The following DNAJC5 variants were observed in gnomAD, a reference collection of about 807,000 sequenced individuals.
DNAJC5 encodes the protein dnaJ homolog subfamily C member 5.
DNAJC5 carries 1 observed loss-of-function variant against 23.2 expected under a neutral mutation model. The observed-to-expected ratio is 0.04, with a 90% confidence interval of 0.02 to 0.20. The LOEUF is 0.20. Among genes scored for constraint, DNAJC5 ranks in the 10% least tolerant of loss-of-function variants. The pLI, the probability that DNAJC5 is intolerant of heterozygous loss-of-function variation, is 1.00. For synonymous variants in DNAJC5, 136 were observed against 120.0 expected, an observed-to-expected ratio of 1.13 and a Z score of -0.87; for missense variants, 180 against 267.0, an observed-to-expected ratio of 0.67 and a Z score of 2.27.
chr20:63,917,552 CTTATTA>C (rs1288358069), intron 1 of DNAJC5, among the ~76,000 whole-genome samples: 1 of 148,040 alleles, frequency 6.8e-6, no homozygotes, highest in African/African-American at 2.5e-5. Flanking sequence ...TGCATCCAGC[CTTATTA>C]TTATTATTTT....
chr20:63,917,017 G>A (rs182642511), intron 1 of DNAJC5, among the ~76,000 whole-genome samples: 2 of 152,260 alleles, frequency 1.3e-5, no homozygotes, highest in South Asian at 2.1e-4. Flanking sequence ...TTTACAGTTT[G>A]TACAGTTAAC....
chr20:63,904,355 A>G (rs762091560), intron 1 of DNAJC5, among the ~76,000 whole-genome samples: 2 of 152,168 alleles, frequency 1.3e-5, no homozygotes, highest in Non-Finnish European at 2.9e-5. Context: ...CTCTTGCATC[A>G]TCCCGCCAGG....
chr20:63,895,988 T>G (rs1238732108), intron 1 of DNAJC5, among the ~76,000 whole-genome samples: 2 of 152,346 alleles, frequency 1.3e-5, no homozygotes, highest in East Asian at 3.9e-4. Flanking sequence ...CTCTTTTTCG[T>G]GTGCCGAAGC....
chr20:63,919,027 A>G (rs2053539729), intron 1 of DNAJC5, among the ~76,000 whole-genome samples: 1 of 152,252 alleles, frequency 6.6e-6, no homozygotes, highest in Non-Finnish European at 1.5e-5. Context: ...TTTCCCCAAC[A>G]GTAGTTTGAG....
At chr20:63,897,684 A>G (rs375158966) in intron 1 of DNAJC5, among the ~76,000 whole-genome samples, 101 of 152,344 alleles carry the variant, frequency 6.6e-4, no homozygotes, top group South Asian at 5.4e-3. Flanking sequence ...CCGTCGTGAC[A>G]TTTGGTAATT....
intron 1 of DNAJC5, among the ~76,000 whole-genome samples, chr20:63,912,753 G>A (rs917282593): frequency 6.6e-6 from 1 of 152,106 alleles, no homozygotes; most frequent in Non-Finnish European, 1.5e-5. Flanking sequence ...GACTACAGGC[G>A]CCTGCCACCA....
Position 63,928,397 on chromosome 20 carries a change from C to A in DNAJC5, c.52C>A (p.His18Asn). 1 of 1,614,038 alleles carries A rather than the reference C, an allele frequency of 6.2e-7. No homozygotes were observed. Among genetic ancestry groups the A allele is most frequent in the Non-Finnish European group, 8.5e-7 (1 of 1,180,024 alleles). Residue 18 changes from histidine to asparagine, a missense_variant, in exon 2 of 5, where the codon CAC (histidine) becomes AAC (asparagine). By Grantham distance (68) the His-to-Asn change is moderately conservative (BLOSUM62 1). Around this residue, in one of 3 missense-constraint regions of DNAJC5, gnomAD observed 77 missense variants for 106.8 expected, o/e 0.72. Coordinates refer to ENST00000360864, the MANE Select transcript of DNAJC5 (RefSeq NM_025219.3). This position sits in a 1 kb window ranked among gnomAD's most constrained non-coding sequence, Gnocchi z 4.6. ...SLSTSGESLY[H>N]VLGLDKNATS... is the part of the protein sequence containing the mutation. ...GTCTACCTCTGGGGAGTCATTGTAC[C>A]ACGTCCTTGGGTTGGACAAGAACGC... is the stretch of plus-strand genomic sequence containing the variant.
rs890554664 is a variant in DNAJC5 at position 63,934,248 on chromosome 20, A to C, written c.*2680A>C. ...GAGTGGACTGTTTCCCTATAATTAA[A>C]AGAGGTGGTGAGTCCTGGGGCAGCT... is the stretch of plus-strand genomic sequence containing the variant. On this transcript the variant is annotated 3_prime_UTR_variant, in exon 5 of 5. Coordinates refer to ENST00000360864, the MANE Select transcript of DNAJC5 (RefSeq NM_025219.3). The C allele has an allele frequency of 1.3e-5, 2 of 152,252 alleles. No individual in the cohort carries two copies. Among genetic ancestry groups the C allele is most frequent in the Admixed American group, 1.3e-4 (2 of 15,292 alleles). 9.4% of individuals were successfully genotyped at this position (152,252 alleles called of 1,614,324 possible).
intron 1 of DNAJC5, among the ~76,000 whole-genome samples, chr20:63,927,952 A>G (rs1732054618): frequency 6.6e-6 from 1 of 151,898 alleles, no homozygotes; most frequent in African/African-American, 2.4e-5. Context: ...TATTTTGTTT[A>G]TTTATATATT....
At chr20:63,896,934 A>C (rs182984017) in intron 1 of DNAJC5, among the ~76,000 whole-genome samples, 51 of 152,222 alleles carry the variant, frequency 3.4e-4, no homozygotes, top group Non-Finnish European at 5.7e-4. Context: ...ATGTAGAGGT[A>C]AGGGTTCCTG....
chr20:63,910,222 C>CTT (rs1001455540), intron 1 of DNAJC5, among the ~76,000 whole-genome samples: 35 of 152,236 alleles, frequency 2.3e-4, no homozygotes, highest in Non-Finnish European at 7.3e-5. Context: ...GTCACCTGGA[C>CTT]TTTTTGTCTG....
intron 1 of DNAJC5, among the ~76,000 whole-genome samples, chr20:63,899,310 G>C (rs2053394137): frequency 6.6e-6 from 1 of 152,164 alleles, no homozygotes; most frequent in South Asian, 2.1e-4. Flanking sequence ...AGGATTAGCA[G>C]CTAGTCTGTT....
intron 1 of DNAJC5, among the ~76,000 whole-genome samples, chr20:63,897,166 G>A (rs887148812): frequency 4.6e-5 from 7 of 152,196 alleles, no homozygotes; most frequent in African/African-American, 1.7e-4. Flanking sequence ...AGGCTGAGGC[G>A]GACGGATCAC....
At chr20:63,907,526 C>T (rs1437638037) in intron 1 of DNAJC5, among the ~76,000 whole-genome samples, 1 of 152,194 alleles carries the variant, frequency 6.6e-6, no homozygotes, top group Non-Finnish European at 1.5e-5. Flanking sequence ...GAGTCCCTGT[C>T]AATGGCAGCT....
In DNAJC5 at chr20:63,928,421, G is replaced by A. The variant is rs753722773; in HGVS notation, c.76G>A (p.Ala26Thr). ...LYHVLGLDKN[A>T]TSDDIKKSYR... The stretch of plus-strand genomic sequence containing the variant: ...CCACGTCCTTGGGTTGGACAAGAAC[G>A]CAACCTCAGATGACATTAAAAAGTC... The change falls in exon 2 of 5, where the codon GCA (alanine) becomes ACA (threonine). Residue 26 changes from alanine (A) to threonine (T), a missense_variant. Ala to Thr is a moderately conservative substitution (Grantham distance 58). Transcript: ENST00000360864. The surrounding 1 kb of genome is among the most constrained non-coding windows in gnomAD (Gnocchi z 4.6). The A allele has an allele frequency of 8.7e-6, 14 of 1,613,870 alleles. No individual in the cohort carries two copies. The highest frequency in any genetic ancestry group is 2.2e-5 in the East Asian group (1 of 44,900).
rs565421440 is a variant in DNAJC5 at position 63,928,272 on chromosome 20, C to T, written c.-11-63C>T. ...AACGGTCTTATGGAATAAAGTCCAT[C>T]AGCTCTGCCCTTGGTACTTTCATCT... On this transcript the variant is annotated intron_variant, in intron 1 of 4. Transcript: ENST00000360864. This position sits in a 1 kb window ranked among gnomAD's most constrained non-coding sequence, Gnocchi z 4.6. 2 of 1,343,786 alleles carry T rather than the reference C, an allele frequency of 1.5e-6. No individual in the cohort carries two copies. The highest frequency in any genetic ancestry group is 1.4e-5 in the African/African-American group (1 of 69,846). The allele number at this position is 1,343,786 out of a possible 1,614,324, so 83.2% of individuals were successfully genotyped here. A position where few individuals can be genotyped will look rare whatever the true frequency, so the allele number is the denominator to read the frequency against.
chr20:63,896,736 A>G (rs1286923527), intron 1 of DNAJC5, among the ~76,000 whole-genome samples: 1 of 152,112 alleles, frequency 6.6e-6, no homozygotes, highest in African/African-American at 2.4e-5. Context: ...TAATGCATTT[A>G]TCATACTTAA....
chr20:63,896,061 A>C lies in DNAJC5; in HGVS notation c.-12+738A>C, dbSNP rs143564663. ...AAAAGGAAGCAAAAATTTCAGCTTT[A>C]TTTTTGTTTTCCGGCTTAGGCTTGG... On this transcript the variant is annotated intron_variant, in intron 1 of 4. Coordinates refer to ENST00000360864, the MANE Select transcript of DNAJC5 (RefSeq NM_025219.3). 5.3e-5 allele frequency among the ~76,000 whole-genome samples: 8 copies of C among 152,220 alleles called. No individual in the cohort carries two copies. In the East Asian group the frequency reaches 1.5e-3, roughly 29 times the overall value.
intron 1 of DNAJC5, among the ~76,000 whole-genome samples, chr20:63,906,891 C>T (rs900756160): frequency 5.3e-5 from 8 of 152,070 alleles, no homozygotes; most frequent in Non-Finnish European, 1.5e-5. Context: ...ATCACTTGAG[C>T]TCAGGAGTTT....
Sources: gnomAD v4.1 joint callset for allele counts (sites outside exome capture counted in the v4.1 genomes callset) on GRCh38, gnomAD v4.1.1 for gene constraint, gnomAD v4.1.1 regional missense constraint, Gnocchi (gnomAD v3.1) non-coding constraint, MANE v1.5 for transcripts, NCBI Gene and HGNC (gene_info 2026-07-23, HGNC 2026-07-21) for gene names.